PKP4: variants seen among roughly 807,000 people sequenced by gnomAD.
PKP4 encodes plakophilin-4.
In PKP4, 90 loss-of-function variants were observed where a neutral mutation model predicts 145.1. The observed-to-expected ratio is 0.62, with a 90% CI of 0.52 to 0.74. The LOEUF is 0.74. Among genes scored for constraint, PKP4 ranks in the 30% least tolerant of loss-of-function variants. The probability of loss-of-function intolerance (pLI) is 0.00; values close to 1 mark genes in which losing one functional copy is unlikely to be tolerated. For synonymous variants in PKP4, 563 were observed against 577.2 expected (o/e 0.98, Z 0.35); for missense variants, 1,340 against 1,482.7 (o/e 0.90, Z 1.58).
chr2:158,618,447 A>G (rs922574055), intron 4 of PKP4, among the ~76,000 whole-genome samples: 1 of 152,146 alleles, frequency 6.6e-6, no homozygotes, highest in Non-Finnish European at 1.5e-5. Flanking sequence ...TAAAAAATAT[A>G]TGAAACACAG....
At chr2:158,608,394 A>C (rs2050824065) in intron 4 of PKP4, among the ~76,000 whole-genome samples, 1 of 152,210 alleles carries the variant, frequency 6.6e-6, no homozygotes, top group African/African-American at 2.4e-5. Context: ...AATGTTGTCC[A>C]AATAGCTCCT....
chr2:158,620,909 G>A, intron 4 of PKP4, 81 bp from the exon 5 acceptor site: 1 of 1,227,456 alleles, frequency 8.1e-7, no homozygotes, highest in South Asian at 1.3e-5. Flanking sequence ...CTAAGATGCT[G>A]TTGACAAACA....
At chr2:158,593,938 T>C (rs1329006775) in intron 3 of PKP4, among the ~76,000 whole-genome samples, 1 of 152,224 alleles carries the variant, frequency 6.6e-6, no homozygotes, top group African/African-American at 2.4e-5. Flanking sequence ...GAGTGGACTT[T>C]TTTTCCACAT....
intron 1 of PKP4, among the ~76,000 whole-genome samples, chr2:158,495,002 A>C (rs1245885594): frequency 6.6e-6 from 1 of 151,568 alleles, no homozygotes; most frequent in Non-Finnish European, 1.5e-5. Flanking sequence ...GCGGATCATG[A>C]GGTCAGGAGT....
At chr2:158,488,563 T>C (rs1039766779) in intron 1 of PKP4, among the ~76,000 whole-genome samples, 5 of 152,190 alleles carry the variant, frequency 3.3e-5, no homozygotes, top group Admixed American at 1.3e-4. Flanking sequence ...ACTCACTGTC[T>C]CACTTACATG....
intron 1 of PKP4, among the ~76,000 whole-genome samples, chr2:158,484,669 A>G (rs1412490028): frequency 6.6e-6 from 1 of 152,216 alleles, no homozygotes; most frequent in African/African-American, 2.4e-5. Context: ...GATGATGACA[A>G]TCAGCCTTTA....
chr2:158,669,767 G>A lies in PKP4; in HGVS notation c.2776G>A (p.Gly926Ser). 6.2e-7 allele frequency: 1 copy of A among 1,605,898 alleles called. No individual in the cohort carries two copies. Among genetic ancestry groups the A allele is most frequent in the South Asian group, 1.1e-5 (1 of 90,098 alleles). ...DLVNRLPGGN[G>S]PSVLSDETMA... ...GGTCAACCGGCTCCCCGGCGGCAAT[G>A]GCCCCAGTGTCTTGTCTGATGAGAC... is the stretch of plus-strand genomic sequence containing the variant. Residue 926 changes from glycine (G) to serine (S), a missense_variant, in exon 17 of 22, where the codon GGC becomes AGC. Gly to Ser is a moderately conservative substitution (Grantham distance 56). Transcript: ENST00000389759.
chr2:158,557,213 T>C (rs1458068634), intron 2 of PKP4, among the ~76,000 whole-genome samples: 1 of 152,162 alleles, frequency 6.6e-6, no homozygotes, highest in Non-Finnish European at 1.5e-5. Flanking sequence ...TAGAAAGCCT[T>C]AGTATATACT....
At chr2:158,522,184 G>T (rs1202535798) in intron 1 of PKP4, among the ~76,000 whole-genome samples, 1 of 152,170 alleles carries the variant, frequency 6.6e-6, no homozygotes, top group Non-Finnish European at 1.5e-5. Context: ...AGTAAGGCGA[G>T]TAGAAGGGAA....
intron 1 of PKP4, chr2:158,457,817 C>A (rs1379971562): frequency 6.5e-6 from 1 of 153,198 alleles, no homozygotes; most frequent in Non-Finnish European, 1.5e-5. Context: ...CCTAGTGCGC[C>A]CCTCTCTACC....
At chr2:158,657,951 C>T (rs1323597682) in intron 11 of PKP4, among the ~76,000 whole-genome samples, 180 bp from the exon 12 acceptor site, 1 of 152,126 alleles carries the variant, frequency 6.6e-6, no homozygotes, top group Admixed American at 6.5e-5. Context: ...AATATGTTGT[C>T]GGAGGCTCAT....
chr2:158,502,883 G>T, intron 1 of PKP4, among the ~76,000 whole-genome samples: 1 of 152,332 alleles, frequency 6.6e-6, no homozygotes, highest in Admixed American at 6.5e-5. Context: ...AGTTCTCTCT[G>T]TTTTAAAATA....
chr2:158,460,020 G>T (rs1689531052), intron 1 of PKP4, among the ~76,000 whole-genome samples: 1 of 152,138 alleles, frequency 6.6e-6, no homozygotes, highest in South Asian at 2.1e-4. Flanking sequence ...GTAAGGAGAG[G>T]GTGCTGCATC....
intron 17 of PKP4, among the ~76,000 whole-genome samples, chr2:158,671,801 G>C (rs758804940): frequency 5.9e-5 from 9 of 152,236 alleles, no homozygotes; most frequent in Non-Finnish European, 1.2e-4. Context: ...GAGGGGCAGG[G>C]CGCATAATAA....
intron 1 of PKP4, chr2:158,457,921 G>C (rs1448860471): frequency 6.6e-6 from 1 of 152,614 alleles, no homozygotes; most frequent in African/African-American, 2.4e-5. Context: ...CTCCCTGCCA[G>C]GAGTTGAAGC....
At chr2:158,629,425 G>A (rs1297267777) in intron 7 of PKP4, among the ~76,000 whole-genome samples, 1 of 152,162 alleles carries the variant, frequency 6.6e-6, no homozygotes, top group Non-Finnish European at 1.5e-5. Flanking sequence ...TGTTTCCTCG[G>A]TTTTGAAATG....
intron 4 of PKP4, among the ~76,000 whole-genome samples, chr2:158,614,796 T>A (rs1222986683): frequency 6.6e-6 from 1 of 152,172 alleles, no homozygotes; most frequent in Non-Finnish European, 1.5e-5. Flanking sequence ...CTTTTAGTGA[T>A]ATGTGAAGAA....
At chr2:158,556,024 C>CGAAA (rs1432325643) in intron 2 of PKP4, among the ~76,000 whole-genome samples, 10 of 152,026 alleles carry the variant, frequency 6.6e-5, no homozygotes, top group African/African-American at 2.4e-4. Context: ...TAACAGTGAA[C>CGAAA]GATTAAAGAC....
intron 4 of PKP4, among the ~76,000 whole-genome samples, 176 bp from the exon 5 acceptor site, chr2:158,620,814 T>A (rs1380362920): frequency 6.6e-6 from 1 of 152,238 alleles, no homozygotes; most frequent in Admixed American, 6.5e-5. Context: ...TAATGAAGTA[T>A]AAGTATATGG....
Sources: allele counts gnomAD v4.1 joint callset (sites outside exome capture counted in the v4.1 genomes callset), GRCh38; gene constraint gnomAD v4.1.1; transcripts MANE v1.5; gene names NCBI Gene and HGNC (gene_info 2026-07-23, HGNC 2026-07-21).